LIN54: variants seen among roughly 807,000 people sequenced by gnomAD.
The protein encoded by LIN54 is lin-54 DREAM MuvB core complex component, also known as protein lin-54 homolog.
Under a neutral mutation model 78.7 loss-of-function variants are expected in LIN54, and 9 were observed. The observed-to-expected ratio is 0.11, with a 90% CI of 0.07 to 0.20. The LOEUF (loss-of-function observed/expected upper bound fraction) is 0.20. Among genes scored for constraint, LIN54 ranks in the 10% least tolerant of loss-of-function variants. The probability of loss-of-function intolerance (pLI) is 1.00; values close to 1 mark genes in which losing one functional copy is unlikely to be tolerated. For synonymous variants in LIN54, 269 were observed against 318.4 expected (o/e 0.84, Z 1.65); for missense variants, 573 against 889.9 (o/e 0.64, Z 4.53).
intron 1 of LIN54, among the ~76,000 whole-genome samples, chr4:83,009,934 G>C (rs541712852): frequency 1.3e-5 from 2 of 152,230 alleles, no homozygotes; most frequent in Non-Finnish European, 2.9e-5. Flanking sequence ...TGAAAAGCAT[G>C]AGTATAAAAT....
chr4:82,931,219 A>C, intron 11 of LIN54, 74 bp from the exon 12 acceptor site: 3 of 1,051,514 alleles, frequency 2.9e-6, no homozygotes, highest in East Asian at 4.8e-5. Context: ...CCACAATCAA[A>C]TCAACAGCTA....
At chr4:83,000,846 T>G (rs1394281060) in intron 1 of LIN54, among the ~76,000 whole-genome samples, 1 of 150,980 alleles carries the variant, frequency 6.6e-6, no homozygotes, top group Non-Finnish European at 1.5e-5. Context: ...TTTTTGGAGA[T>G]AGAGTCCCAG....
At chr4:82,938,385 C>T (rs1418950864) in intron 8 of LIN54, 28 bp downstream of exon 8, 22 of 1,245,964 alleles carry the variant, frequency 1.8e-5, no homozygotes, top group Non-Finnish European at 2.6e-5. Flanking sequence ...GATCTAACAA[C>T]TTATGTACCT....
At chr4:83,001,585 C>T (rs967816327) in intron 1 of LIN54, among the ~76,000 whole-genome samples, 5 of 151,272 alleles carry the variant, frequency 3.3e-5, no homozygotes, top group Admixed American at 3.3e-4. Context: ...GTGGCTCACG[C>T]CTGTAATCCC....
At position 82,966,454 on chromosome 4, in the gene LIN54, TA is replaced by T. The variant is rs746980272; in HGVS notation, c.951+3872del. 9.1e-3 allele frequency among the ~76,000 whole-genome samples: 1,186 copies of T among 130,434 alleles called. 7 individuals are homozygous for T. Among genetic ancestry groups the T allele is most frequent in the African/African-American group, 0.018 (643 of 35,286 alleles). 85.6% of individuals were successfully genotyped at this position (130,434 alleles called of 152,430 possible). A position where few individuals can be genotyped will look rare whatever the true frequency, so the allele number is the denominator to read the frequency against. ...GGTATCCCTATCATCTACCTCCTAT[TA>T]AAAAAAAAAAAAAGACAGAAATAGA... On this transcript the variant is annotated intron_variant, in intron 4 of 12. Transcript: ENST00000340417.
At chr4:82,957,122 A>G (rs1295573812) in intron 4 of LIN54, among the ~76,000 whole-genome samples, 1 of 152,208 alleles carries the variant, frequency 6.6e-6, no homozygotes, top group Non-Finnish European at 1.5e-5. Flanking sequence ...TTACCACCAC[A>G]ATTCAATTAT....
intron 1 of LIN54, among the ~76,000 whole-genome samples, chr4:82,991,078 T>C (rs767238578): frequency 1.3e-5 from 2 of 149,564 alleles, no homozygotes; most frequent in Non-Finnish European, 3.0e-5. Context: ...GGAGGATCGC[T>C]TGAGGCCAGA....
chr4:82,980,276 T>C, intron 2 of LIN54, among the ~76,000 whole-genome samples: 1 of 152,138 alleles, frequency 6.6e-6, no homozygotes, highest in Non-Finnish European at 1.5e-5. Context: ...CAAAGAATTT[T>C]AGAGTGTGAA....
intron 1 of LIN54, among the ~76,000 whole-genome samples, chr4:83,002,463 G>A (rs1417536021): frequency 6.7e-6 from 1 of 149,328 alleles, no homozygotes; most frequent in Non-Finnish European, 1.5e-5. Flanking sequence ...GAAGGAGGAA[G>A]GAGGGAGGAG....
chr4:82,955,144 G>A (rs1269659722), intron 4 of LIN54, among the ~76,000 whole-genome samples: 2 of 152,106 alleles, frequency 1.3e-5, no homozygotes, highest in African/African-American at 4.8e-5. Flanking sequence ...GGCCGAAGGA[G>A]GCGGATCACT....
intron 1 of LIN54, among the ~76,000 whole-genome samples, chr4:82,998,551 A>AAAGAAAGG (rs1728452149): frequency 6.6e-6 from 1 of 150,456 alleles, no homozygotes; most frequent in African/African-American, 2.4e-5. Context: ...GAAAAGAAAG[A>AAAGAAAGG]AAGGAAGGAA....
At chr4:83,011,566 G>GT (rs1006552012), upstream of LIN54, among the ~76,000 whole-genome samples, 1 of 148,740 alleles carries the variant, frequency 6.7e-6, no homozygotes, top group Non-Finnish European at 1.5e-5. Flanking sequence ...TTTGCCAAAT[G>GT]TTTTTTTAGG....
intron 1 of LIN54, among the ~76,000 whole-genome samples, chr4:83,008,868 C>T (rs1353154937): frequency 6.6e-6 from 1 of 152,072 alleles, no homozygotes; most frequent in Non-Finnish European, 1.5e-5. Flanking sequence ...GAGACAATAG[C>T]CCTCTGTGAT....
At chr4:82,986,102 C>G (rs1247134510) in intron 1 of LIN54, among the ~76,000 whole-genome samples, 2 of 152,104 alleles carry the variant, frequency 1.3e-5, no homozygotes, top group East Asian at 3.9e-4. Flanking sequence ...GGAACCAAAT[C>G]AGCAACTTTC....
At chr4:82,951,366 T>C (rs922605125) in intron 4 of LIN54, among the ~76,000 whole-genome samples, 8 of 152,172 alleles carry the variant, frequency 5.3e-5, no homozygotes, top group African/African-American at 1.9e-4. Context: ...CTATGAGTTA[T>C]AGCGACATGG....
At chr4:82,940,889 G>GT (rs1308652209) in intron 5 of LIN54, among the ~76,000 whole-genome samples, 1 of 152,008 alleles carries the variant, frequency 6.6e-6, no homozygotes, top group African/African-American at 2.4e-5. Context: ...GCATATAAGG[G>GT]TTAAGTATAT....
chr4:82,995,485 A>ATTTTTTTTTTTTTTTTTTTT (rs1553958258), intron 1 of LIN54, among the ~76,000 whole-genome samples: 2 of 95,046 alleles, frequency 2.1e-5, no homozygotes. Flanking sequence ...ACACATCCTT[A>ATTTTTTTTTTTTTTTTTTTT]TCTCTTTTTT....
At chr4:83,007,701 A>G (rs1395038060) in intron 1 of LIN54, among the ~76,000 whole-genome samples, 5 of 152,090 alleles carry the variant, frequency 3.3e-5, no homozygotes, top group Non-Finnish European at 7.4e-5. Context: ...CAGCCTGGCC[A>G]ACATGGTGAA....
chr4:82,996,472 C>A (rs1198991543), intron 1 of LIN54, among the ~76,000 whole-genome samples: 1 of 152,010 alleles, frequency 6.6e-6, no homozygotes, highest in Non-Finnish European at 1.5e-5. Flanking sequence ...GTGGCATGAT[C>A]TCAGCTCACT....
Sources: allele counts gnomAD v4.1 joint callset (sites outside exome capture counted in the v4.1 genomes callset), GRCh38; gene constraint gnomAD v4.1.1; transcripts MANE v1.5; gene names NCBI Gene and HGNC (gene_info 2026-07-23, HGNC 2026-07-21).